DLG2: variants seen among roughly 807,000 people sequenced by gnomAD.
The protein encoded by DLG2 is disks large homolog 2.
Under a neutral mutation model 132.5 loss-of-function variants are expected in DLG2, and 45 were observed. That is an observed-to-expected ratio of 0.34 (90% CI 0.27 to 0.44). DLG2 has a LOEUF of 0.44. Among genes scored for constraint, DLG2 ranks in the 20% least tolerant of loss-of-function variants. The pLI, the probability that DLG2 is intolerant of heterozygous loss-of-function variation, is 1.00. For missense variants in DLG2, 1,045 were observed against 1,196.9 expected (o/e 0.87, Z 1.87); for synonymous variants, 424 against 419.6 (o/e 1.01, Z -0.13).
chr11:85,125,822 C>T (rs2075034550), intron 5 of DLG2, among the ~76,000 whole-genome samples: 1 of 151,312 alleles, frequency 6.6e-6, no homozygotes, highest in Admixed American at 6.6e-5. Flanking sequence ...CACACACACA[C>T]ACACACACAC....
rs140393470 is a variant in DLG2, at chr11:85,404,523, T to A, written c.41-119158A>T. ...TTTCTGGGCAAGGATTGGGCTCTAA[T>A]GGGGTTCACAGAAAATTTGAGAGAC... On this transcript the variant is annotated intron_variant, in intron 3 of 27. Transcript: ENST00000376104. 2.9e-3 allele frequency among the ~76,000 whole-genome samples: 444 copies of A among 152,004 alleles called. 1 individual carries two copies. Among genetic ancestry groups the A allele is most frequent in the African/African-American group, 0.01 (430 of 41,522 alleles).
At chr11:83,557,965 G>A (rs1022560847) in intron 19 of DLG2, among the ~76,000 whole-genome samples, 3 of 152,108 alleles carry the variant, frequency 2.0e-5, no homozygotes, top group African/African-American at 7.2e-5. Flanking sequence ...TATTTAATCA[G>A]TTAGAGAAGA....
intron 8 of DLG2, chr11:84,167,031 T>C: frequency 1.9e-6 from 1 of 532,120 alleles, no homozygotes; most frequent in South Asian, 1.4e-5. Flanking sequence ...ATTCCAGTTC[T>C]GGCCCTAACT....
chr11:84,341,349 C>T (rs1361106739), intron 7 of DLG2, among the ~76,000 whole-genome samples: 3 of 151,798 alleles, frequency 2.0e-5, no homozygotes, highest in Non-Finnish European at 4.4e-5. Flanking sequence ...ATTGCCTTAA[C>T]TAATAAAAGA....
chr11:85,258,240 T>A (rs1349417315), intron 4 of DLG2, among the ~76,000 whole-genome samples: 1 of 152,206 alleles, frequency 6.6e-6, no homozygotes, highest in African/African-American at 2.4e-5. Flanking sequence ...TTGACTGGCT[T>A]ATTCAATATA....
At chr11:85,398,246 A>T (rs186767311) in intron 3 of DLG2, among the ~76,000 whole-genome samples, 6 of 151,874 alleles carry the variant, frequency 4.0e-5, no homozygotes, top group African/African-American at 1.4e-4. Flanking sequence ...CAAAGACACA[A>T]CGTACCAGAA....
chr11:85,507,022 T>C (rs2093951468), intron 3 of DLG2, among the ~76,000 whole-genome samples: 1 of 152,108 alleles, frequency 6.6e-6, no homozygotes, highest in Admixed American at 6.6e-5. Context: ...TTTATCAGAC[T>C]GGGATTGTAA....
intron 4 of DLG2, among the ~76,000 whole-genome samples, chr11:85,216,425 T>G (rs2082600636): frequency 6.6e-6 from 1 of 152,218 alleles, no homozygotes; most frequent in South Asian, 2.1e-4. Context: ...TTATCTTTTG[T>G]GTTTGTTGTT....
intron 15 of DLG2, among the ~76,000 whole-genome samples, chr11:83,921,515 C>G (rs1317574989): frequency 6.6e-6 from 1 of 152,136 alleles, no homozygotes; most frequent in Admixed American, 6.6e-5. Context: ...TATAAAACTT[C>G]TGGAATAGCG....
chr11:84,450,821 G>A (rs1485565016), intron 7 of DLG2, among the ~76,000 whole-genome samples: 1 of 151,294 alleles, frequency 6.6e-6, no homozygotes, highest in Non-Finnish European at 1.5e-5. Context: ...GGCCATGCCT[G>A]TTTATTCATC....
intron 2 of DLG2, among the ~76,000 whole-genome samples, chr11:85,607,708 A>T (rs751657477): frequency 3.0e-4 from 46 of 152,222 alleles, no homozygotes; most frequent in Non-Finnish European, 5.9e-4. Context: ...ATCCCTCCTC[A>T]GACAAGCAGG....
Position 83,466,698 on chromosome 11 carries a change from C to G in DLG2, c.2729+10G>C, listed in dbSNP as rs781506509. 4.5e-6 allele frequency: 7 copies of G among 1,547,400 alleles called. No homozygotes were observed. The highest frequency in any genetic ancestry group is 6.3e-6 in the Non-Finnish European group (7 of 1,119,298). ...CAGTTGGATGAAGGCCTCCAATGCC[C>G]TCTACTCACATAAGAGGTTCCAGAG... On this transcript the variant is annotated intron_variant, in intron 26 of 27. Transcript: ENST00000376104.
At chr11:84,294,288 T>C (rs1400494965) in intron 7 of DLG2, among the ~76,000 whole-genome samples, 1 of 152,002 alleles carries the variant, frequency 6.6e-6, no homozygotes, top group East Asian at 1.9e-4. Flanking sequence ...AATTAGGAAA[T>C]TGAGCTAGCT....
chr11:84,170,993 T>A (rs2095806924), intron 8 of DLG2, among the ~76,000 whole-genome samples: 1 of 152,148 alleles, frequency 6.6e-6, no homozygotes, highest in African/African-American at 2.4e-5. Flanking sequence ...CTCTTTAACC[T>A]ATAAAAGGCC....
intron 8 of DLG2, among the ~76,000 whole-genome samples, chr11:84,172,874 C>T (rs2095856522): frequency 6.6e-6 from 1 of 151,954 alleles, no homozygotes; most frequent in African/African-American, 2.4e-5. Context: ...AAATTATCTG[C>T]CTTTGTTATG....
intron 6 of DLG2, among the ~76,000 whole-genome samples, chr11:84,621,195 T>C (rs186437124): frequency 1.0e-3 from 156 of 152,280 alleles, no homozygotes; most frequent in Non-Finnish European, 1.9e-3. Context: ...TTTATTATTA[T>C]ACTATATCAT....
At chr11:84,909,151 C>T (rs914312892) in intron 6 of DLG2, among the ~76,000 whole-genome samples, 1 of 152,144 alleles carries the variant, frequency 6.6e-6, no homozygotes, top group Non-Finnish European at 1.5e-5. Flanking sequence ...TGAGCTAAAT[C>T]TTTCCTAAAT....
intron 9 of DLG2, among the ~76,000 whole-genome samples, chr11:84,103,861 A>C (rs1008693085): frequency 2.6e-5 from 4 of 152,134 alleles, no homozygotes; most frequent in Non-Finnish European, 4.4e-5. Context: ...TATTATAATC[A>C]CATTCATTTA....
At chr11:83,690,480 C>G (rs1445148540) in intron 18 of DLG2, among the ~76,000 whole-genome samples, 1 of 151,984 alleles carries the variant, frequency 6.6e-6, no homozygotes, top group Non-Finnish European at 1.5e-5. Flanking sequence ...GCTCTCCCCC[C>G]TCAAAGGTCA....
Sources: gnomAD v4.1 joint callset for allele counts (sites outside exome capture counted in the v4.1 genomes callset) on GRCh38, gnomAD v4.1.1 for gene constraint, MANE v1.5 for transcripts, NCBI Gene and HGNC (gene_info 2026-07-23, HGNC 2026-07-21) for gene names.